The following GPCPD1 variants were observed in gnomAD, a reference collection of about 807,000 sequenced individuals.
GPCPD1 encodes the protein glycerophosphocholine phosphodiesterase GPCPD1.
A neutral mutation model predicts 89.2 loss-of-function variants in GPCPD1; 29 were observed. The ratio of observed to expected loss-of-function variants is 0.33; its 90% confidence interval spans 0.24 to 0.44. GPCPD1 has a LOEUF of 0.44. GPCPD1 is among the 20% of genes least tolerant of loss of function. The pLI, the probability that GPCPD1 is intolerant of heterozygous loss-of-function variation, is 1.00. For synonymous variants in GPCPD1, 258 were observed against 266.3 expected (o/e 0.97, Z 0.30); for missense variants, 594 against 808.9 (o/e 0.73, Z 3.22).
intron 3 of GPCPD1, among the ~76,000 whole-genome samples, chr20:5,595,371 G>T (rs1979640100): frequency 6.6e-6 from 1 of 152,116 alleles, no homozygotes; most frequent in South Asian, 2.1e-4. Flanking sequence ...TGCCAGGCGT[G>T]GTGGCTCACG....
intron 19 of GPCPD1, among the ~76,000 whole-genome samples, chr20:5,550,407 A>C (rs949704498): frequency 1.3e-5 from 2 of 152,136 alleles, no homozygotes; most frequent in African/African-American, 2.4e-5. Context: ...AAGGGTCAAA[A>C]ATCAAAAGAA....
intron 1 of GPCPD1, among the ~76,000 whole-genome samples, chr20:5,610,469 C>T (rs570049520): frequency 5.5e-4 from 84 of 152,128 alleles, no homozygotes; most frequent in Non-Finnish European, 9.9e-4. Flanking sequence ...CCCCAGAGGA[C>T]CTCATCTGCA....
chr20:5,550,695 C>A (rs995412785), intron 19 of GPCPD1, among the ~76,000 whole-genome samples: 1 of 152,192 alleles, frequency 6.6e-6, no homozygotes, highest in African/African-American at 2.4e-5. Flanking sequence ...GTATTTCTAA[C>A]ATAGAGTTCT....
In GPCPD1 at chr20:5,580,170, T is replaced by C. The variant is rs991822979; in HGVS notation, c.350-39A>G. The C allele has an allele frequency of 7.6e-6, 9 of 1,186,356 alleles. No homozygotes were observed. The African/African-American group carries it at 1.4e-4, about 18-fold the overall frequency. The allele number at this position is 1,186,356 out of a possible 1,614,324, so 73.5% of individuals were successfully genotyped here. A position where few individuals can be genotyped will look rare whatever the true frequency, so the allele number is the denominator to read the frequency against. On this transcript the variant is annotated intron_variant, in intron 6 of 19. Coordinates refer to ENST00000379019, the MANE Select transcript of GPCPD1 (RefSeq NM_019593.5). ...TATGAAGAACAGTAATTATTATACA[T>C]GTTTTTTTAAACAACACAATAAGTA...
chr20:5,551,416 T>C (rs181214969), intron 19 of GPCPD1, among the ~76,000 whole-genome samples: 2 of 152,348 alleles, frequency 1.3e-5, no homozygotes, highest in African/African-American at 2.4e-5. Flanking sequence ...AAAGTCATTG[T>C]ACTATCAATA....
chr20:5,575,048 A>G (rs546028375), intron 10 of GPCPD1, among the ~76,000 whole-genome samples: 2 of 152,308 alleles, frequency 1.3e-5, no homozygotes, highest in South Asian at 2.1e-4. Context: ...ACACTTTTCT[A>G]GACTTGGGAT....
chr20:5,548,795 C>T (rs1985188568), intron 19 of GPCPD1: 2 of 406,954 alleles, frequency 4.9e-6, no homozygotes, highest in Admixed American at 7.4e-5. Context: ...TGGTAGGAAA[C>T]AAGAGCAGAG....
At position 5,559,929 on chromosome 20, in the gene GPCPD1, G is replaced by C. The variant is rs374704322; in HGVS notation, c.1532+11C>G. Reference sequence around the variant, plus strand: ...CTAAGAGTATAGGAAAAAATACAGAGTATTACTCACATTGTGCAAATATCT... The same window carrying C: ...CTAAGAGTATAGGAAAAAATACAGACTATTACTCACATTGTGCAAATATCT... On this transcript the variant is annotated intron_variant, in intron 17 of 19. Coordinates refer to ENST00000379019, the MANE Select transcript of GPCPD1 (RefSeq NM_019593.5). 24 of 1,476,472 alleles carry C rather than the reference G, an allele frequency of 1.6e-5. No individual in the cohort carries two copies. The highest frequency in any genetic ancestry group is 2.6e-5 in the South Asian group (2 of 77,420). 91.5% of individuals were successfully genotyped at this position (1,476,472 alleles called of 1,614,324 possible).
intron 19 of GPCPD1, 129 bp downstream of exon 19, chr20:5,557,816 C>T: frequency 3.4e-6 from 2 of 588,144 alleles, no homozygotes; most frequent in South Asian, 4.5e-5. Flanking sequence ...CACCCACAGG[C>T]AAATGTCAAG....
rs899069125 is a variant in GPCPD1 at position 5,575,962 on chromosome 20, T to C, written c.722A>G (p.His241Arg). ...AGGAAGGGCATCACCCTGAACTACGTGCTCACTGAGATCTTCCTGAAAAAA... is the reference window on the plus strand; with the variant it reads ...AGGAAGGGCATCACCCTGAACTACGCGCTCACTGAGATCTTCCTGAAAAAA... ...FDFFEEDLSEHVVQGDALPGH... is the reference protein window; with the variant it reads ...FDFFEEDLSERVVQGDALPGH... The change falls in exon 9 of 20, where the codon CAC (histidine) becomes CGC (arginine). Residue 241 changes from histidine to arginine, a missense_variant. Transcript: ENST00000379019. 6.3e-6 allele frequency: 10 copies of C among 1,588,148 alleles called. No homozygotes were observed. The highest frequency in any genetic ancestry group is 8.6e-6 in the Non-Finnish European group (10 of 1,163,880).
rs775297866 is a variant in GPCPD1, at chr20:5,558,831, C to A, written c.1533-12G>T. The stretch of plus-strand genomic sequence containing the variant: ...GCTTTTGCCGAACCCTGAAAAGAAA[C>A]AATTTTAAAAATACCTTTCAATGGG... On this transcript the variant is annotated splice_polypyrimidine_tract_variant and intron_variant, in intron 17 of 19. Transcript: ENST00000379019. The A allele has an allele frequency of 6.5e-6, 10 of 1,541,604 alleles. No individual in the cohort carries two copies. The East Asian group carries it at 2.1e-4, about 32-fold the overall frequency.
chr20:5,553,896 A>C (rs561925142), intron 19 of GPCPD1, among the ~76,000 whole-genome samples: 2 of 140,990 alleles, frequency 1.4e-5, no homozygotes, highest in South Asian at 4.4e-4. Context: ...GTGCTGATGG[A>C]GAAGCTGCAG....
intron 18 of GPCPD1, 34 bp downstream of exon 18, chr20:5,558,650 A>G (rs1178458645): frequency 7.7e-7 from 1 of 1,296,844 alleles, no homozygotes; most frequent in Non-Finnish European, 1.1e-6. Flanking sequence ...AGAAAACAGA[A>G]CATTAAAAAG....
In GPCPD1 at chr20:5,575,825, T is replaced by C; in HGVS notation, c.859A>G (p.Lys287Glu). 1 of 1,607,366 alleles carries C rather than the reference T, an allele frequency of 6.2e-7. No homozygotes were observed. The highest frequency in any genetic ancestry group is 8.5e-7 in the Non-Finnish European group (1 of 1,175,182). Residue 287 changes from lysine (K) to glutamate (E), a missense_variant, in exon 9 of 20, where the codon AAA (lysine) becomes GAA (glutamate). Coordinates refer to ENST00000379019, the MANE Select transcript of GPCPD1 (RefSeq NM_019593.5). The part of the protein sequence containing the change: ...MSRNSRKTIG[K>E]VRVDYIIIKP... Reference sequence around the variant, plus strand: ...GTGTCTTCAACCTTACCTCTCACTTTGCCTATTGTTTTCCGGGAATTTCTG... The same window carrying C: ...GTGTCTTCAACCTTACCTCTCACTTCGCCTATTGTTTTCCGGGAATTTCTG...
At chr20:5,593,207 A>G in intron 4 of GPCPD1, 120 bp downstream of exon 4, 1 of 580,036 alleles carries the variant, frequency 1.7e-6, no homozygotes, top group Non-Finnish European at 3.2e-6. Flanking sequence ...TTATTAATCA[A>G]GAGTTCTATT....
In GPCPD1 at chr20:5,580,926, T is replaced by C. The variant is rs192223919; in HGVS notation, c.350-795A>G. Among the ~76,000 whole-genome samples, 230 of 150,956 alleles carry C rather than the reference T, an allele frequency of 1.5e-3. 1 individual carries two copies. The highest frequency in any genetic ancestry group is 3.2e-3 in the Admixed American group (48 of 15,110). The stretch of plus-strand genomic sequence containing the variant: ...TCTTGCTCTGTTGCCCAGGCTAGAG[T>C]GCAGTGGCACGATCTCAACTCACTG... On this transcript the variant is annotated intron_variant, in intron 6 of 19. Coordinates refer to ENST00000379019, the MANE Select transcript of GPCPD1 (RefSeq NM_019593.5).
At chr20:5,579,022 CA>C (rs1260599370) in intron 7 of GPCPD1, among the ~76,000 whole-genome samples, 1 of 151,200 alleles carries the variant, frequency 6.6e-6, no homozygotes, top group Non-Finnish European at 1.5e-5. Context: ...ACCCCATCTG[CA>C]AAAAATATAA....
Position 5,566,725 on chromosome 20 carries a change from G to T in GPCPD1, c.1267+8C>A, listed in dbSNP as rs1986411898. 6.6e-7 allele frequency: 1 copy of T among 1,520,228 alleles called. No individual in the cohort carries two copies. The highest frequency in any genetic ancestry group is 9.1e-7 in the Non-Finnish European group (1 of 1,094,602). The allele number at this position is 1,520,228 out of a possible 1,614,324, so 94.2% of individuals were successfully genotyped here. On this transcript the variant is annotated splice_region_variant and intron_variant, in intron 14 of 19. Transcript: ENST00000379019. ...AAAGGAAAACAGTGTTTCCATATTG[G>T]TACATACCTTTCCGATCCTTAGATT...
chr20:5,581,655 A>T (rs1246498895), intron 6 of GPCPD1, among the ~76,000 whole-genome samples: 1 of 152,128 alleles, frequency 6.6e-6, no homozygotes, highest in Non-Finnish European at 1.5e-5. Context: ...CACCTACTTA[A>T]CATAGGTAAT....
Sources: gnomAD v4.1 joint callset for allele counts (sites outside exome capture counted in the v4.1 genomes callset) on GRCh38, gnomAD v4.1.1 for gene constraint, MANE v1.5 for transcripts, NCBI Gene and HGNC (gene_info 2026-07-23, HGNC 2026-07-21) for gene names.